FBLN1: variants seen among roughly 807,000 people sequenced by gnomAD.
FBLN1 encodes fibulin 1, also known as fibulin-1.
A neutral mutation model predicts 89.7 loss-of-function variants in FBLN1; 34 were observed. The ratio of observed to expected loss-of-function variants is 0.38; its 90% CI spans 0.29 to 0.50. The LOEUF (loss-of-function observed/expected upper bound fraction) is 0.50, where lower values mean the gene tolerates loss of function less well. Ranked by LOEUF, FBLN1 falls within the 20% of genes least tolerant of loss-of-function variation. The probability of loss-of-function intolerance (pLI) is 0.92; values close to 1 mark genes in which losing one functional copy is unlikely to be tolerated. For missense variants in FBLN1, 777 were observed against 988.1 expected (o/e 0.79, Z 2.86); for synonymous variants, 393 against 391.3 (o/e 1.00, Z -0.05).
At chr22:45,570,725 G>C (rs1238828029) in intron 14 of FBLN1, among the ~76,000 whole-genome samples, 1 of 152,152 alleles carries the variant, frequency 6.6e-6, no homozygotes. Flanking sequence ...AATTAAAAAA[G>C]AGATTTGAAA....
rs554260465 is a variant in FBLN1 at position 45,581,619 on chromosome 22, C to T, written c.1972+4511C>T. Among the ~76,000 whole-genome samples the T allele has an allele frequency of 6.6e-5, 10 of 152,204 alleles. No homozygotes were observed. The highest frequency in any genetic ancestry group is 1.9e-4 in the East Asian group (1 of 5,154). On this transcript the variant is annotated intron_variant, in intron 16 of 16. Coordinates refer to ENST00000327858, the MANE Select transcript of FBLN1 (RefSeq NM_006486.3). This position sits in a 1 kb window ranked among gnomAD's most constrained non-coding sequence, Gnocchi z 7.6. ...TGGACCTCCTGACCCTTGGGCCTCC[C>T]GGGTTGCAGGGAGCTACGGAGTTGT...
At position 45,562,978 on chromosome 22, in the gene FBLN1, CTA is replaced by C. The variant is rs1167899898; in HGVS notation, c.1698-11532_1698-11531del. 8.1e-6 allele frequency: 13 copies of C among 1,613,980 alleles called. No homozygotes were observed. Among genetic ancestry groups the C allele is most frequent in the Non-Finnish European group, 1.0e-5 (12 of 1,180,002 alleles). On this transcript the variant is annotated intron_variant, in intron 14 of 16. Coordinates refer to ENST00000327858, the MANE Select transcript of FBLN1 (RefSeq NM_006486.3). This position sits in a 1 kb window ranked among gnomAD's most constrained non-coding sequence, Gnocchi z 7.8. Reference sequence around the variant, plus strand: ...CCAAGCTGCCTCTGAGAATAACCTACTACCACCTCTCTTTCCCCACCAACATC... The same window carrying C: ...CCAAGCTGCCTCTGAGAATAACCTACCCACCTCTCTTTCCCCACCAACATC...
chr22:45,571,614 G>A (rs1253985358), intron 14 of FBLN1, among the ~76,000 whole-genome samples: 2 of 152,240 alleles, frequency 1.3e-5, no homozygotes, highest in Non-Finnish European at 2.9e-5. Flanking sequence ...GCATGTCCTT[G>A]AGGACCAGGA....
intron 1 of FBLN1, among the ~76,000 whole-genome samples, chr22:45,503,754 G>C (rs2087980404): frequency 6.6e-6 from 1 of 152,174 alleles, no homozygotes; most frequent in Non-Finnish European, 1.5e-5. Flanking sequence ...GCGGGGACTG[G>C]GGACTGGTCA....
In FBLN1 at chr22:45,562,872, C is replaced by G. The variant is rs1223392787; in HGVS notation, c.1698-11639C>G. 6.3e-7 allele frequency: 1 copy of G among 1,596,474 alleles called. No homozygotes were observed. Among genetic ancestry groups the G allele is most frequent in the Non-Finnish European group, 8.6e-7 (1 of 1,168,176 alleles). Reference sequence around the variant, plus strand: ...CCGTTTCTCCGCTTGCTGGACCGGCCCTAACCCTCTTCTTGTCTCTCTGCC... The same window carrying G: ...CCGTTTCTCCGCTTGCTGGACCGGCGCTAACCCTCTTCTTGTCTCTCTGCC... On this transcript the variant is annotated intron_variant, in intron 14 of 16. Coordinates refer to ENST00000327858, the MANE Select transcript of FBLN1 (RefSeq NM_006486.3). The surrounding 1 kb of genome is among the most constrained non-coding windows in gnomAD (Gnocchi z 7.8).
chr22:45,589,305 A>G (rs2089115918), intron 16 of FBLN1, among the ~76,000 whole-genome samples: 1 of 151,868 alleles, frequency 6.6e-6, no homozygotes, highest in South Asian at 2.1e-4. Context: ...TGCTGTCATG[A>G]CTTTCCCCAG....
chr22:45,507,597 G>A (rs535697586), intron 1 of FBLN1, among the ~76,000 whole-genome samples: 2 of 151,470 alleles, frequency 1.3e-5, no homozygotes, highest in East Asian at 1.9e-4. Flanking sequence ...GTGTGATCTC[G>A]GCTCACTGTA....
intron 16 of FBLN1, among the ~76,000 whole-genome samples, chr22:45,591,824 G>C (rs12160277): frequency 1.2e-5 from 1 of 82,854 alleles, no homozygotes; most frequent in Non-Finnish European, 2.1e-5. Context: ...AGTGTCCTGC[G>C]CGCCATTTTG....
At chr22:45,528,769 G>A (rs762464190) in intron 4 of FBLN1, among the ~76,000 whole-genome samples, 4 of 152,174 alleles carry the variant, frequency 2.6e-5, no homozygotes, top group Non-Finnish European at 4.4e-5. Flanking sequence ...ACGTGCATCC[G>A]TGTCACCATT....
At chr22:45,586,705 C>T (rs997827077) in intron 16 of FBLN1, among the ~76,000 whole-genome samples, 3 of 152,184 alleles carry the variant, frequency 2.0e-5, no homozygotes, top group Non-Finnish European at 2.9e-5. Flanking sequence ...GACAGGGACG[C>T]ACACTGAGCA....
At chr22:45,564,960 C>G (rs1445920693) in intron 14 of FBLN1, 2 of 1,613,992 alleles carry the variant, frequency 1.2e-6, no homozygotes. Flanking sequence ...TCCATGGAAG[C>G]AGGGGTTGGA....
At chr22:45,525,437 G>C in intron 2 of FBLN1, 106 bp from the exon 3 acceptor site, 1 of 982,178 alleles carries the variant, frequency 1.0e-6, no homozygotes, top group Non-Finnish European at 1.6e-6. Context: ...GTCTGTGGGA[G>C]CAGGGAAGGG....
Position 45,572,398 on chromosome 22 carries a change from C to T in FBLN1, c.1698-2113C>T, listed in dbSNP as rs571592286. 8.5e-5 allele frequency among the ~76,000 whole-genome samples: 13 copies of T among 152,296 alleles called. No homozygotes were observed. In the South Asian group the frequency reaches 1.7e-3, roughly 19 times the overall value. On this transcript the variant is annotated intron_variant, in intron 14 of 16. Transcript: ENST00000327858. This position sits in a 1 kb window ranked among gnomAD's most constrained non-coding sequence, Gnocchi z 5.8. ...AAAATTGCAGAGGATCAAACCTCAT[C>T]GGAGTGGCTTCCATCATGGGTTCAT...
At chr22:45,569,395 C>T (rs1027043392) in intron 14 of FBLN1, among the ~76,000 whole-genome samples, 1 of 152,144 alleles carries the variant, frequency 6.6e-6, no homozygotes, top group Non-Finnish European at 1.5e-5. Flanking sequence ...AATCCCAGCA[C>T]TTTGGGAGGC....
rs139696644 is a variant in FBLN1, at chr22:45,550,314, C to T, written c.1574-178C>T. On this transcript the variant is annotated intron_variant, in intron 13 of 16. Transcript: ENST00000327858. This position sits in a 1 kb window ranked among gnomAD's most constrained non-coding sequence, Gnocchi z 8.4. Reference sequence around the variant, plus strand: ...GTTAACACTCTATAAATGTAAATACCCTATAAATGTAAGAACTGGCACAGG... The same window carrying T: ...GTTAACACTCTATAAATGTAAATACTCTATAAATGTAAGAACTGGCACAGG... 2.4e-3 allele frequency among the ~76,000 whole-genome samples: 364 copies of T among 152,288 alleles called. 3 individuals carry two copies. Among genetic ancestry groups the T allele is most frequent in the African/African-American group, 8.5e-3 (354 of 41,550 alleles).
chr22:45,567,394 C>T (rs958608332), intron 14 of FBLN1, among the ~76,000 whole-genome samples: 2 of 152,154 alleles, frequency 1.3e-5, no homozygotes, highest in Admixed American at 6.5e-5. Flanking sequence ...GGCAGGCAGA[C>T]CACTGAAGGT....
At chr22:45,520,690 G>A (rs1019664033) in intron 2 of FBLN1, among the ~76,000 whole-genome samples, 1 of 152,208 alleles carries the variant, frequency 6.6e-6, no homozygotes, top group African/African-American at 2.4e-5. Context: ...TCAACGTGCA[G>A]GCAGAGGAAC....
chr22:45,564,773 G>C (rs888579865), intron 14 of FBLN1: 7 of 1,313,500 alleles, frequency 5.3e-6, no homozygotes, highest in Non-Finnish European at 6.5e-6. Flanking sequence ...GACATCTCGC[G>C]TGCAGAAGGT....
chr22:45,574,545 A>C lies in FBLN1; in HGVS notation c.1732A>C (p.Ile578Leu), dbSNP rs2088977361. The change falls in exon 15 of 17, where the codon ATC becomes CTC. Residue 578 changes from isoleucine (I) to leucine (L), a missense_variant. Physicochemically the swap from Ile to Leu is conservative, Grantham distance 5 (BLOSUM62 2). Transcript: ENST00000327858. This position sits in a 1 kb window ranked among gnomAD's most constrained non-coding sequence, Gnocchi z 4.1. ...QQEKTDTVRC[I>L]KSCRPNDVTC... is the part of the protein sequence containing the mutation. ...GGAGAAGACAGACACGGTCCGCTGC[A>C]TCAAGTCCTGCCGCCCCAACGATGT... The C allele has an allele frequency of 1.2e-6, 2 of 1,614,064 alleles. No individual in the cohort carries two copies. The highest frequency in any genetic ancestry group is 8.5e-7 in the Non-Finnish European group (1 of 1,180,050).
Sources: gnomAD v4.1 joint callset for allele counts (sites outside exome capture counted in the v4.1 genomes callset) on GRCh38, gnomAD v4.1.1 for gene constraint, Gnocchi (gnomAD v3.1) non-coding constraint, MANE v1.5 for transcripts, NCBI Gene and HGNC (gene_info 2026-07-23, HGNC 2026-07-21) for gene names.